The following HSF2BP variants were observed in gnomAD, a reference collection of about 807,000 sequenced individuals.
HSF2BP encodes the protein heat shock factor 2-binding protein.
HSF2BP carries 35 observed loss-of-function variants against 35.0 expected under a neutral mutation model. The observed-to-expected ratio is 1.00, with a 90% CI of 0.76 to 1.32. The LOEUF (loss-of-function observed/expected upper bound fraction) is 1.32. HSF2BP is among the 40% of genes most tolerant of loss of function. The pLI is 0.00. For synonymous variants in HSF2BP, 114 were observed against 117.4 expected, an observed-to-expected ratio of 0.97 and a Z score of 0.18; for missense variants, 326 against 321.7, an observed-to-expected ratio of 1.01 and a Z score of -0.10.
chr21:43,606,485 G>A (rs527549753), intron 7 of HSF2BP, among the ~76,000 whole-genome samples: 1 of 152,122 alleles, frequency 6.6e-6, no homozygotes, highest in Non-Finnish European at 1.5e-5. Flanking sequence ...GGGAACAATG[G>A]TAGGAAAAGG....
At chr21:43,588,886 TG>T (rs1188630163) in intron 8 of HSF2BP, among the ~76,000 whole-genome samples, 1 of 152,132 alleles carries the variant, frequency 6.6e-6, no homozygotes, top group Non-Finnish European at 1.5e-5. Context: ...GTGTTGTCAA[TG>T]GAGTACAAGC....
At chr21:43,577,780 C>T (rs1202591938) in intron 8 of HSF2BP, among the ~76,000 whole-genome samples, 2 of 152,226 alleles carry the variant, frequency 1.3e-5, no homozygotes, top group African/African-American at 4.8e-5. Flanking sequence ...TAGCTGATGA[C>T]ATTCCACCAT....
At chr21:43,592,693 T>C (rs568584548) in intron 7 of HSF2BP, among the ~76,000 whole-genome samples, 1 of 152,318 alleles carries the variant, frequency 6.6e-6, no homozygotes, top group African/African-American at 2.4e-5. Flanking sequence ...CAAAGTTCAA[T>C]TCAGCCATCT....
chr21:43,624,457 G>T (rs1206478553), intron 6 of HSF2BP, among the ~76,000 whole-genome samples: 1 of 152,146 alleles, frequency 6.6e-6, no homozygotes, highest in African/African-American at 2.4e-5. Flanking sequence ...AGCAGCAATG[G>T]ACATGAGGCC....
At chr21:43,644,169 CA>C in intron 4 of HSF2BP, 119 bp downstream of exon 4, 1 of 672,108 alleles carries the variant, frequency 1.5e-6, no homozygotes, top group Non-Finnish European at 2.6e-6. Context: ...CATACATTTA[CA>C]AATACAATTT....
chr21:43,625,412 T>C (rs907838762), intron 6 of HSF2BP, among the ~76,000 whole-genome samples: 3 of 152,068 alleles, frequency 2.0e-5, no homozygotes, highest in Non-Finnish European at 4.4e-5. Context: ...AGTGGTTGCC[T>C]TGGGCTGGTG....
At chr21:43,649,210 C>T (rs888494790) in intron 3 of HSF2BP, among the ~76,000 whole-genome samples, 17 of 152,104 alleles carry the variant, frequency 1.1e-4, no homozygotes, top group African/African-American at 2.7e-4. Flanking sequence ...GTGCTGACCG[C>T]GCCTGGCCTT....
In HSF2BP at chr21:43,574,654, G is replaced by A. The variant is rs149289670; in HGVS notation, c.796+17571C>T. Among the ~76,000 whole-genome samples, 766 of 152,260 alleles carry A rather than the reference G, an allele frequency of 5.0e-3. 11 individuals carry two copies. The highest frequency in any genetic ancestry group is 0.018 in the African/African-American group (732 of 41,546). On this transcript the variant is annotated intron_variant, in intron 8 of 8. Transcript: ENST00000291560. ...TTACAGGCTTGAGCCACTGCGCCCA[G>A]CCCTAAGCACTTTTTCAATTCTGGT...
At chr21:43,592,135 A>T in intron 8 of HSF2BP, 90 bp downstream of exon 8, 1 of 788,880 alleles carries the variant, frequency 1.3e-6, no homozygotes, top group Non-Finnish European at 2.2e-6. Context: ...TCAGACATCT[A>T]CTAGGAAACT....
intron 4 of HSF2BP, among the ~76,000 whole-genome samples, chr21:43,642,131 T>C (rs1428689131): frequency 6.6e-6 from 1 of 152,044 alleles, no homozygotes; most frequent in Non-Finnish European, 1.5e-5. Flanking sequence ...ACCCCATCTC[T>C]ATAAAAAAAT....
intron 4 of HSF2BP, among the ~76,000 whole-genome samples, chr21:43,633,726 T>C (rs1433243403): frequency 1.3e-5 from 2 of 152,276 alleles, no homozygotes; most frequent in African/African-American, 4.8e-5. Flanking sequence ...CAAGTAACTA[T>C]ACCCAGAACC....
At chr21:43,636,082 A>G (rs989118826) in intron 4 of HSF2BP, among the ~76,000 whole-genome samples, 1 of 151,292 alleles carries the variant, frequency 6.6e-6, no homozygotes, top group Admixed American at 6.6e-5. Flanking sequence ...ATAGCCAGGC[A>G]TGGTGAGGCT....
chr21:43,630,096 A>T (rs2082435694), intron 6 of HSF2BP, among the ~76,000 whole-genome samples: 1 of 152,236 alleles, frequency 6.6e-6, no homozygotes, highest in African/African-American at 2.4e-5. Flanking sequence ...GGCTCAGATG[A>T]TCATTAGCAT....
At chr21:43,648,303 A>G (rs996381088) in intron 3 of HSF2BP, among the ~76,000 whole-genome samples, 1 of 152,216 alleles carries the variant, frequency 6.6e-6, no homozygotes, top group Non-Finnish European at 1.5e-5. Context: ...CTGGAGGACT[A>G]GAGAAGATGA....
At chr21:43,645,599 T>G (rs149231873) in intron 3 of HSF2BP, among the ~76,000 whole-genome samples, 1 of 152,348 alleles carries the variant, frequency 6.6e-6, no homozygotes, top group East Asian at 1.9e-4. Flanking sequence ...TCCTAATCCT[T>G]GAACTGAGAA....
intron 7 of HSF2BP, among the ~76,000 whole-genome samples, chr21:43,603,783 A>C (rs2082079744): frequency 6.6e-6 from 1 of 152,186 alleles, no homozygotes; most frequent in Admixed American, 6.5e-5. Context: ...AAAGGCAGAT[A>C]AACTAGGAAC....
intron 8 of HSF2BP, among the ~76,000 whole-genome samples, chr21:43,581,844 G>GGAGATGAGGGCCTGCTGAGA (rs2081738767): frequency 6.6e-6 from 1 of 151,330 alleles, no homozygotes; most frequent in Non-Finnish European, 1.5e-5. Flanking sequence ...GCCTGCTGAG[G>GGAGATGAGGGCCTGCTGAGA]GAGATGAGGG....
intron 7 of HSF2BP, among the ~76,000 whole-genome samples, chr21:43,604,828 CCA>C (rs543733982): frequency 1.5e-5 from 2 of 131,874 alleles, no homozygotes; most frequent in Admixed American, 7.7e-5. Context: ...ACATCGCACA[CCA>C]CACACACCAC....
intron 3 of HSF2BP, among the ~76,000 whole-genome samples, chr21:43,654,048 A>G (rs2082833027): frequency 6.6e-6 from 1 of 152,152 alleles, no homozygotes; most frequent in Non-Finnish European, 1.5e-5. Context: ...CGAGAAAGCA[A>G]AAGTCTGTCC....
Sources: gnomAD v4.1 joint callset for allele counts (sites outside exome capture counted in the v4.1 genomes callset) on GRCh38, gnomAD v4.1.1 for gene constraint, MANE v1.5 for transcripts, NCBI Gene and HGNC (gene_info 2026-07-23, HGNC 2026-07-21) for gene names.